ITPR2: variants seen among roughly 807,000 people sequenced by gnomAD.
ITPR2 encodes the protein inositol 1,4,5-trisphosphate receptor type 2.
In ITPR2, 207 loss-of-function variants were observed where a neutral mutation model predicts 317.1. The observed-to-expected ratio is 0.65, with a 90% CI of 0.58 to 0.73. The LOEUF (loss-of-function observed/expected upper bound fraction) is 0.73. Among genes scored for constraint, ITPR2 ranks in the 30% least tolerant of loss-of-function variants. The probability of loss-of-function intolerance (pLI) is 0.00; values close to 1 mark genes in which losing one functional copy is unlikely to be tolerated. For synonymous variants in ITPR2, 1,156 were observed against 1,149.1 expected, an observed-to-expected ratio of 1.01 and a Z score of -0.12; for missense variants, 2,613 against 3,284.0, an observed-to-expected ratio of 0.80 and a Z score of 4.99.
chr12:26,649,414 T>G (rs1002435147), intron 21 of ITPR2: 4 of 152,202 alleles, frequency 2.6e-5, no homozygotes, highest in Non-Finnish European at 4.4e-5. Context: ...CAATCCATAT[T>G]TCTACAATCC....
intron 1 of ITPR2, among the ~76,000 whole-genome samples, chr12:26,799,059 A>G (rs1950508451): frequency 6.6e-6 from 1 of 152,234 alleles, no homozygotes; most frequent in African/African-American, 2.4e-5. Context: ...TGACAAACAT[A>G]TATTTTGGTT....
intron 39 of ITPR2, 48 bp from the exon 40 acceptor site, chr12:26,487,299 T>C (rs371356451): frequency 6.4e-6 from 9 of 1,411,490 alleles, no homozygotes; most frequent in African/African-American, 1.4e-5. Flanking sequence ...GGGAGACAAA[T>C]GGTGTTTTTA....
intron 1 of ITPR2, among the ~76,000 whole-genome samples, chr12:26,799,232 C>T (rs1305849744): frequency 6.6e-6 from 1 of 152,110 alleles, no homozygotes; most frequent in Non-Finnish European, 1.5e-5. Flanking sequence ...ACATAATTAA[C>T]CTATACCCAC....
chr12:26,666,927 G>T (rs1021221363), intron 13 of ITPR2, among the ~76,000 whole-genome samples: 1 of 152,114 alleles, frequency 6.6e-6, no homozygotes, highest in African/African-American at 2.4e-5. Context: ...TGCAAAAATG[G>T]GTAAACAGAT....
At chr12:26,534,861 C>T (rs1944044864) in intron 37 of ITPR2, among the ~76,000 whole-genome samples, 1 of 152,138 alleles carries the variant, frequency 6.6e-6, no homozygotes, top group African/African-American at 2.4e-5. Context: ...TTCACATGAA[C>T]TGAGGATTCT....
intron 47 of ITPR2, 57 bp downstream of exon 47, chr12:26,439,070 G>A: frequency 2.7e-6 from 3 of 1,097,622 alleles, no homozygotes; most frequent in South Asian, 1.6e-5. Flanking sequence ...GTGTCCCAAA[G>A]TACCAAATTA....
rs577688684 is a variant in ITPR2, at chr12:26,400,729, T to C, written c.7400-471A>G. The C allele has an allele frequency of 3.3e-5, 5 of 152,370 alleles. No homozygotes were observed. The South Asian group carries it at 6.2e-4, about 19-fold the overall frequency. The allele number at this position is 152,370 out of a possible 1,614,324, so 9.4% of individuals were successfully genotyped here. On this transcript the variant is annotated intron_variant, in intron 52 of 56. Coordinates refer to ENST00000381340, the MANE Select transcript of ITPR2 (RefSeq NM_002223.4). ...TTGTGCTTGTTATGGTAGGAAGAGA[T>C]TGTGGCAAAACCTGGAAACACAGCC...
chr12:26,751,532 C>G (rs1949417753), intron 2 of ITPR2, among the ~76,000 whole-genome samples: 1 of 152,152 alleles, frequency 6.6e-6, no homozygotes, highest in Non-Finnish European at 1.5e-5. Flanking sequence ...CTCCCATCAA[C>G]TCAAATCATC....
chr12:26,654,692 A>ACT (rs112280466), intron 20 of ITPR2, among the ~76,000 whole-genome samples: 128 of 148,966 alleles, frequency 8.6e-4, no homozygotes, highest in Non-Finnish European at 1.2e-3. Flanking sequence ...TCCATCTTGT[A>ACT]CTCTCTCTCT....
In ITPR2 at chr12:26,550,273, C is replaced by T. The variant is rs1944493068; in HGVS notation, c.5047G>A (p.Glu1683Lys). The change falls in exon 37 of 57, where the codon GAG (glutamate) becomes AAG (lysine). Residue 1683 changes from glutamate (E) to lysine (K), a missense_variant. Physicochemically the swap from Glu to Lys is moderately conservative, Grantham distance 56. This residue lies in a region of ITPR2 where 926 missense variants were observed against 1,072.8 expected (regional missense o/e 0.86). Transcript: ENST00000381340. ...KILQTLREML[E>K]KKDSFVEEGN... is the part of the protein sequence containing the mutation. ...TCTTCCACAAAGCTGTCTTTCTTCT[C>T]TAACATTTCTCGTAATGTCTGAAGA... 1.3e-6 allele frequency: 2 copies of T among 1,519,456 alleles called. No individual in the cohort carries two copies. The highest frequency in any genetic ancestry group is 9.1e-7 in the Non-Finnish European group (1 of 1,104,864). 94.1% of individuals were successfully genotyped at this position (1,519,456 alleles called of 1,614,324 possible). A position where few individuals can be genotyped will look rare whatever the true frequency, so the allele number is the denominator to read the frequency against.
intron 38 of ITPR2, 48 bp from the exon 39 acceptor site, chr12:26,494,388 T>A: frequency 8.3e-7 from 1 of 1,202,824 alleles, no homozygotes; most frequent in Non-Finnish European, 1.2e-6. Flanking sequence ...TAGACATTAT[T>A]AATATGTAAG....
intron 37 of ITPR2, among the ~76,000 whole-genome samples, chr12:26,507,304 C>T (rs1412880502): frequency 6.6e-6 from 1 of 152,096 alleles, no homozygotes; most frequent in Non-Finnish European, 1.5e-5. Context: ...TTCAAACAAA[C>T]CTAGAGATGC....
chr12:26,819,789 A>G (rs1335421727), intron 1 of ITPR2, among the ~76,000 whole-genome samples: 1 of 151,918 alleles, frequency 6.6e-6, no homozygotes, highest in African/African-American at 2.4e-5. Flanking sequence ...CATGTAAGTC[A>G]GGTGTGGTAG....
intron 9 of ITPR2, among the ~76,000 whole-genome samples, chr12:26,709,289 C>T (rs1393851298): frequency 6.6e-6 from 1 of 152,106 alleles, no homozygotes; most frequent in Non-Finnish European, 1.5e-5. Context: ...CTTAATTTTC[C>T]TCCTCCCACT....
At chr12:26,453,172 A>C (rs1425246284) in intron 45 of ITPR2, among the ~76,000 whole-genome samples, 1 of 151,860 alleles carries the variant, frequency 6.6e-6, no homozygotes, top group African/African-American at 2.4e-5. Flanking sequence ...AGATTTTATA[A>C]AGAATTCATT....
At chr12:26,359,058 T>C (rs1043258452) in intron 55 of ITPR2, among the ~76,000 whole-genome samples, 2 of 152,246 alleles carry the variant, frequency 1.3e-5, no homozygotes, top group African/African-American at 4.8e-5. Context: ...CTACATCATA[T>C]AGTCATTTGT....
chr12:26,491,670 G>A (rs927460711), intron 39 of ITPR2, among the ~76,000 whole-genome samples: 12 of 143,476 alleles, frequency 8.4e-5, no homozygotes, highest in African/African-American at 3.4e-4. Flanking sequence ...ATGGATATGA[G>A]GGATATTAAG....
At chr12:26,621,458 A>C (rs1403824270) in intron 25 of ITPR2, among the ~76,000 whole-genome samples, 162 bp from the exon 26 acceptor site, 1 of 152,156 alleles carries the variant, frequency 6.6e-6, no homozygotes, top group Non-Finnish European at 1.5e-5. Context: ...CCCTAGCAAA[A>C]CTTTTCAAAG....
chr12:26,639,031 C>T (rs10771292), intron 21 of ITPR2, among the ~76,000 whole-genome samples: 25,195 of 152,044 alleles, frequency 0.17, 3,255 homozygotes, highest in East Asian at 0.55. Flanking sequence ...CAGAATGAGG[C>T]GAATGTAGCC....
Sources: allele counts gnomAD v4.1 joint callset (sites outside exome capture counted in the v4.1 genomes callset), GRCh38; gene constraint gnomAD v4.1.1; regional missense constraint gnomAD v4.1.1; transcripts MANE v1.5; gene names NCBI Gene and HGNC (gene_info 2026-07-23, HGNC 2026-07-21).